The following PTPRJ variants were observed in gnomAD, a reference collection of about 807,000 sequenced individuals.
The protein encoded by PTPRJ is receptor-type tyrosine-protein phosphatase eta.
In PTPRJ, 129 loss-of-function variants were observed where a neutral mutation model predicts 141.3. The ratio of observed to expected loss-of-function variants is 0.91; its 90% CI spans 0.79 to 1.06. The LOEUF (loss-of-function observed/expected upper bound fraction) is 1.06. Among genes scored for constraint, PTPRJ ranks in the 50% least tolerant of loss-of-function variants. The probability of loss-of-function intolerance (pLI) is 0.00; values close to 1 mark genes in which losing one functional copy is unlikely to be tolerated. For missense variants in PTPRJ, 1,601 were observed against 1,679.7 expected, an observed-to-expected ratio of 0.95 and a Z score of 0.82; for synonymous variants, 610 against 640.5, an observed-to-expected ratio of 0.95 and a Z score of 0.72.
At chr11:48,146,272 C>T (rs1032449760) in intron 14 of PTPRJ, among the ~76,000 whole-genome samples, 5 of 152,172 alleles carry the variant, frequency 3.3e-5, no homozygotes, top group Non-Finnish European at 5.9e-5. Flanking sequence ...ATCACATAGA[C>T]CTAGGTGATA....
chr11:48,156,522 C>T (rs927157700), intron 21 of PTPRJ, among the ~76,000 whole-genome samples: 3 of 150,832 alleles, frequency 2.0e-5, no homozygotes, highest in Non-Finnish European at 2.9e-5. Flanking sequence ...TTCATCAGCT[C>T]CATGATTTTC....
intron 1 of PTPRJ, among the ~76,000 whole-genome samples, chr11:48,042,340 A>G (rs1188369236): frequency 6.6e-6 from 1 of 152,124 alleles, no homozygotes; most frequent in Non-Finnish European, 1.5e-5. Flanking sequence ...TGTGTCCTGA[A>G]TTGTTGCTCC....
chr11:48,016,507 G>C (rs945112700), intron 1 of PTPRJ, among the ~76,000 whole-genome samples: 1 of 152,220 alleles, frequency 6.6e-6, no homozygotes, highest in Non-Finnish European at 1.5e-5. Flanking sequence ...GGGAGAAAAG[G>C]TGGCATGGGA....
rs185849655 is a variant in PTPRJ at position 48,048,622 on chromosome 11, C to T, written c.97-61436C>T. Among the ~76,000 whole-genome samples the T allele has an allele frequency of 2.2e-3, 340 of 152,036 alleles. 1 individual carries two copies. The highest frequency in any genetic ancestry group is 7.8e-3 in the African/African-American group (324 of 41,462). On this transcript the variant is annotated intron_variant, in intron 1 of 24. Transcript: ENST00000418331. ...CAGCCTGGCCAACACGGCGAAACCCCGTCTCTACTAAAAATACAAAAATTA... is the reference window on the plus strand; with the variant it reads ...CAGCCTGGCCAACACGGCGAAACCCTGTCTCTACTAAAAATACAAAAATTA...
chr11:48,045,728 T>C (rs986326935), intron 1 of PTPRJ, among the ~76,000 whole-genome samples: 5 of 152,066 alleles, frequency 3.3e-5, no homozygotes, highest in African/African-American at 1.2e-4. Context: ...CCTTGTTGGG[T>C]CAGGGCAGGT....
At chr11:48,117,787 A>G (rs561506271) in intron 3 of PTPRJ, among the ~76,000 whole-genome samples, 17 of 149,686 alleles carry the variant, frequency 1.1e-4, no homozygotes, top group Non-Finnish European at 1.9e-4. Context: ...TCAATAAACT[A>G]AGTTGTTTTT....
chr11:48,087,573 C>A (rs1855749010), intron 1 of PTPRJ, among the ~76,000 whole-genome samples: 1 of 152,146 alleles, frequency 6.6e-6, no homozygotes, highest in Non-Finnish European at 1.5e-5. Flanking sequence ...GGAATTAGTT[C>A]ATAAAGAACT....
In PTPRJ at chr11:48,169,197, C is replaced by T. The variant is rs1857997570; in HGVS notation, c.*1835C>T. The T allele has an allele frequency of 6.6e-6, 1 of 152,180 alleles. No homozygotes were observed. The highest frequency in any genetic ancestry group is 2.1e-4 in the South Asian group (1 of 4,820). The allele number at this position is 152,180 out of a possible 1,614,324, so 9.4% of individuals were successfully genotyped here. On this transcript the variant is annotated 3_prime_UTR_variant, in exon 25 of 25. Coordinates refer to ENST00000418331, the MANE Select transcript of PTPRJ (RefSeq NM_002843.4). Reference sequence around the variant, plus strand: ...TGCTGTATGCCTTTTATTTCCCTTTCCCTTTGAGGTACTGAAAGGATGAAA... The same window carrying T: ...TGCTGTATGCCTTTTATTTCCCTTTTCCTTTGAGGTACTGAAAGGATGAAA...
At chr11:48,075,459 A>G (rs924206726) in intron 1 of PTPRJ, among the ~76,000 whole-genome samples, 28 of 146,414 alleles carry the variant, frequency 1.9e-4, no homozygotes, top group Admixed American at 6.8e-5. Context: ...GTCTCACTCT[A>G]TCACCCAGGC....
At chr11:47,991,031 C>T (rs565269928) in intron 1 of PTPRJ, among the ~76,000 whole-genome samples, 4 of 151,972 alleles carry the variant, frequency 2.6e-5, no homozygotes, top group Admixed American at 1.3e-4. Context: ...CATGAAACCT[C>T]TTATATTGGG....
intron 12 of PTPRJ, among the ~76,000 whole-genome samples, chr11:48,144,020 G>A (rs1857295134): frequency 6.6e-6 from 1 of 151,804 alleles, no homozygotes; most frequent in Admixed American, 6.6e-5. Context: ...CTCTGTGCCT[G>A]GTCTGGGAGA....
chr11:48,019,588 C>T (rs1855054650), intron 1 of PTPRJ, among the ~76,000 whole-genome samples: 1 of 152,196 alleles, frequency 6.6e-6, no homozygotes, highest in Non-Finnish European at 1.5e-5. Flanking sequence ...AGGTATCACC[C>T]TGTGTGAGAC....
At chr11:47,985,081 G>A (rs535091325) in intron 1 of PTPRJ, among the ~76,000 whole-genome samples, 2 of 149,396 alleles carry the variant, frequency 1.3e-5, no homozygotes, top group Non-Finnish European at 3.0e-5. Flanking sequence ...TTGATCTCCT[G>A]ACCTCATGAT....
At chr11:48,063,285 A>G (rs535998441) in intron 1 of PTPRJ, among the ~76,000 whole-genome samples, 123 of 152,212 alleles carry the variant, frequency 8.1e-4, no homozygotes, top group African/African-American at 2.8e-3. Context: ...CTGAGATTGC[A>G]CCAATGCACT....
At chr11:48,080,778 T>G (rs1855536655) in intron 1 of PTPRJ, among the ~76,000 whole-genome samples, 1 of 152,194 alleles carries the variant, frequency 6.6e-6, no homozygotes, top group Non-Finnish European at 1.5e-5. Context: ...TTCCTCCACC[T>G]TTAAGCTCCC....
At chr11:48,132,066 A>T in intron 8 of PTPRJ, 1 of 840,318 alleles carries the variant, frequency 1.2e-6, no homozygotes, top group South Asian at 5.5e-5. Flanking sequence ...GAGAGCCTTA[A>T]TAACTTTTAA....
chr11:48,135,431 C>T (rs1470137448), intron 8 of PTPRJ, among the ~76,000 whole-genome samples: 2 of 149,224 alleles, frequency 1.3e-5, no homozygotes, highest in African/African-American at 4.9e-5. Context: ...CCTGCCTTGG[C>T]TGCCCAAAGT....
chr11:48,032,587 C>A (rs1854011256), intron 1 of PTPRJ, among the ~76,000 whole-genome samples: 1 of 152,084 alleles, frequency 6.6e-6, no homozygotes, highest in African/African-American at 2.4e-5. Flanking sequence ...AGGAGAAACC[C>A]CATCTCTACT....
Position 48,146,967 on chromosome 11 carries a change from A to T in PTPRJ, c.2999+4A>T. On this transcript the variant is annotated splice_donor_region_variant and intron_variant, in intron 15 of 24. Coordinates refer to ENST00000418331, the MANE Select transcript of PTPRJ (RefSeq NM_002843.4). ...TCATCTTCTGGAGAAAGAAGAGGTG[A>T]TATTGCTTATGCTAATAATAATACT... The T allele has an allele frequency of 6.2e-7, 1 of 1,608,888 alleles. No homozygotes were observed. Among genetic ancestry groups the T allele is most frequent in the Non-Finnish European group, 8.5e-7 (1 of 1,175,278 alleles).
Sources: gnomAD v4.1 joint callset for allele counts (sites outside exome capture counted in the v4.1 genomes callset) on GRCh38, gnomAD v4.1.1 for gene constraint, MANE v1.5 for transcripts, NCBI Gene and HGNC (gene_info 2026-07-23, HGNC 2026-07-21) for gene names.